SLC13A1: variants seen among roughly 807,000 people sequenced by gnomAD.
The protein encoded by SLC13A1 is solute carrier family 13 member 1, also known as Na(+)/sulfate cotransporter.
Under a neutral mutation model 70.0 loss-of-function variants are expected in SLC13A1, and 65 were observed. The observed-to-expected ratio is 0.93, with a 90% confidence interval of 0.76 to 1.14. The LOEUF is 1.14. Among genes scored for constraint, SLC13A1 ranks in the 50% most tolerant of loss-of-function variants. The probability of loss-of-function intolerance (pLI) is 0.00; values close to 1 mark genes in which losing one functional copy is unlikely to be tolerated. For missense variants in SLC13A1, 726 were observed against 717.8 expected (o/e 1.01, Z -0.13); for synonymous variants, 275 against 250.5 (o/e 1.10, Z -0.92).
At chr7:123,187,119 A>G (rs1488586037) in intron 1 of SLC13A1, among the ~76,000 whole-genome samples, 3 of 152,126 alleles carry the variant, frequency 2.0e-5, no homozygotes, top group Non-Finnish European at 4.4e-5. Flanking sequence ...AATTGTGTGG[A>G]AACCAGGTGA....
At chr7:123,159,784 T>C (rs972262524) in intron 6 of SLC13A1, among the ~76,000 whole-genome samples, 2 of 152,144 alleles carry the variant, frequency 1.3e-5, no homozygotes, top group African/African-American at 4.8e-5. Flanking sequence ...TCTAAATATA[T>C]AATGTCACAA....
At chr7:123,194,825 CAT>C (rs1796124418) in intron 1 of SLC13A1, among the ~76,000 whole-genome samples, 1 of 152,048 alleles carries the variant, frequency 6.6e-6, no homozygotes, top group Non-Finnish European at 1.5e-5. Context: ...CATTCTCTGA[CAT>C]AAAGAAAACA....
intron 12 of SLC13A1, among the ~76,000 whole-genome samples, chr7:123,122,509 C>T (rs544207432): frequency 1.2e-4 from 18 of 152,248 alleles, no homozygotes; most frequent in Admixed American, 1.2e-3. Context: ...CCTCCCCAAA[C>T]TGTTGCTTTA....
rs114508868 is a variant in SLC13A1, at chr7:123,174,624, C to T, written c.229-2720G>A. Among the ~76,000 whole-genome samples, 1,514 of 152,202 alleles carry T rather than the reference C, an allele frequency of 9.9e-3. 23 individuals carry two copies. The highest frequency in any genetic ancestry group is 0.035 in the African/African-American group (1,438 of 41,538). On this transcript the variant is annotated intron_variant, in intron 2 of 14. Coordinates refer to ENST00000194130, the MANE Select transcript of SLC13A1 (RefSeq NM_022444.4). The stretch of plus-strand genomic sequence containing the variant: ...TCCACTCCATACCATTGTCATAGCC[C>T]CTTTTCTACAGTGTAAATCTGATCA...
chr7:123,150,715 A>C (rs1330806780), intron 6 of SLC13A1, among the ~76,000 whole-genome samples: 2 of 152,042 alleles, frequency 1.3e-5, no homozygotes, highest in Non-Finnish European at 2.9e-5. Context: ...TCCCCTTAGC[A>C]AGCATCTAAA....
chr7:123,186,923 A>ATTTT (rs957313542), intron 1 of SLC13A1, among the ~76,000 whole-genome samples: 1 of 146,220 alleles, frequency 6.8e-6, no homozygotes, highest in East Asian at 2.0e-4. Flanking sequence ...TGACCTTACA[A>ATTTT]TTTTTTTTTT....
intron 7 of SLC13A1, among the ~76,000 whole-genome samples, chr7:123,144,300 T>A (rs1794270932): frequency 6.6e-6 from 1 of 152,100 alleles, no homozygotes; most frequent in South Asian, 2.1e-4. Context: ...TAGAAATGGG[T>A]CTGATCATTT....
intron 2 of SLC13A1, among the ~76,000 whole-genome samples, chr7:123,175,421 A>G (rs1394355707): frequency 6.6e-6 from 1 of 152,134 alleles, no homozygotes. Context: ...AATAAGCCCT[A>G]TTGACTGCTG....
At position 123,181,063 on chromosome 7, in the gene SLC13A1, T is replaced by C. The variant is rs896840363; in HGVS notation, c.138A>G (p.Thr46=). The change falls in exon 2 of 15, where the codon ACA becomes ACG. Residue 46 remains threonine, a synonymous_variant. Coordinates refer to ENST00000194130, the MANE Select transcript of SLC13A1 (RefSeq NM_022444.4). ...GAGGCAATGCTTCTGTGAGCCAAAA[T>C]GTGGCGACCACAAAGAGTGTGTAGG... ...ECAYTLFVVA[T]FWLTEALPLS... 5.6e-6 allele frequency: 9 copies of C among 1,612,780 alleles called. No homozygotes were observed. The highest frequency in any genetic ancestry group is 7.6e-6 in the Non-Finnish European group (9 of 1,179,114).
intron 2 of SLC13A1, among the ~76,000 whole-genome samples, 177 bp from the exon 3 acceptor site, chr7:123,172,081 T>G (rs1162837319): frequency 6.6e-6 from 1 of 152,166 alleles, no homozygotes; most frequent in Non-Finnish European, 1.5e-5. Context: ...ATATTCTTAC[T>G]CAAAAATGGT....
chr7:123,160,211 C>T, intron 6 of SLC13A1, among the ~76,000 whole-genome samples: 1 of 148,228 alleles, frequency 6.7e-6, no homozygotes, highest in African/African-American at 2.5e-5. Flanking sequence ...GCGGAGGTTG[C>T]AGTGAGCTGA....
chr7:123,180,175 G>A (rs959023388), intron 2 of SLC13A1, among the ~76,000 whole-genome samples: 10 of 152,102 alleles, frequency 6.6e-5, no homozygotes, highest in African/African-American at 2.4e-4. Flanking sequence ...AAATCAGGAA[G>A]AAGGACGTGA....
At chr7:123,125,741 T>C in intron 10 of SLC13A1, 66 bp from the exon 11 acceptor site, 1 of 1,141,520 alleles carries the variant, frequency 8.8e-7, no homozygotes, top group Non-Finnish European at 1.3e-6. Context: ...AAAACACCAA[T>C]TTTGCTAATA....
At chr7:123,173,780 G>C (rs1015871860) in intron 2 of SLC13A1, among the ~76,000 whole-genome samples, 2 of 151,786 alleles carry the variant, frequency 1.3e-5, no homozygotes, top group African/African-American at 2.4e-5. Flanking sequence ...ACACAGTAGA[G>C]AGCTTGGTAA....
At chr7:123,154,511 C>G (rs1794652967) in intron 6 of SLC13A1, among the ~76,000 whole-genome samples, 1 of 152,120 alleles carries the variant, frequency 6.6e-6, no homozygotes, top group Admixed American at 6.6e-5. Flanking sequence ...TACTTTGTAT[C>G]ATCCTCCAAT....
intron 6 of SLC13A1, among the ~76,000 whole-genome samples, chr7:123,149,000 G>T (rs531990555): frequency 3.3e-4 from 50 of 152,110 alleles, no homozygotes; most frequent in Non-Finnish European, 5.7e-4. Flanking sequence ...CCATCTGGTG[G>T]GCAATTTTAT....
At chr7:123,179,456 C>G (rs189296075) in intron 2 of SLC13A1, among the ~76,000 whole-genome samples, 28 of 152,226 alleles carry the variant, frequency 1.8e-4, no homozygotes, top group Admixed American at 1.8e-3. Flanking sequence ...CCTTTCAAGT[C>G]TAAGATTCTA....
In SLC13A1 at chr7:123,181,077, A is replaced by G. The variant is rs28364181; in HGVS notation, c.124T>C (p.Phe42Leu). 1.9e-6 allele frequency: 3 copies of G among 1,612,658 alleles called. No individual in the cohort carries two copies. The highest frequency in any genetic ancestry group is 2.5e-6 in the Non-Finnish European group (3 of 1,179,006). The change falls in exon 2 of 15, where the codon TTT (phenylalanine) becomes CTT (leucine). Residue 42 changes from phenylalanine to leucine, a missense_variant. Transcript: ENST00000194130. ...GTGAGCCAAAATGTGGCGACCACAA[A>G]GAGTGTGTAGGCACATTCTGCTTCC... is the stretch of plus-strand genomic sequence containing the variant. Reference protein sequence around the residue: ...TKEAECAYTLFVVATFWLTEA... With the variant: ...TKEAECAYTLLVVATFWLTEA...
chr7:123,165,788 A>G (rs942767610), intron 6 of SLC13A1, among the ~76,000 whole-genome samples: 2 of 152,100 alleles, frequency 1.3e-5, no homozygotes, highest in Non-Finnish European at 2.9e-5. Context: ...AACATTCTTT[A>G]CTTAGCTGGT....
Sources: allele counts gnomAD v4.1 joint callset (sites outside exome capture counted in the v4.1 genomes callset), GRCh38; gene constraint gnomAD v4.1.1; transcripts MANE v1.5; gene names NCBI Gene and HGNC (gene_info 2026-07-23, HGNC 2026-07-21).